Variants in FAM178B observed in about 807,000 individuals in gnomAD.
FAM178B encodes the protein protein FAM178B.
In FAM178B, 82 loss-of-function variants were observed where a neutral mutation model predicts 91.7. The ratio of observed to expected loss-of-function variants is 0.89; its 90% CI spans 0.75 to 1.07. The LOEUF is 1.07. Ranked by LOEUF, FAM178B falls within the 50% of genes least tolerant of loss-of-function variation. The pLI is 0.00. For missense variants in FAM178B, 769 were observed against 846.7 expected, an observed-to-expected ratio of 0.91 and a Z score of 1.14; for synonymous variants, 368 against 359.4, an observed-to-expected ratio of 1.02 and a Z score of -0.27.
intron 1 of FAM178B, among the ~76,000 whole-genome samples, chr2:96,975,602 C>T (rs971149440): frequency 2.6e-5 from 4 of 152,154 alleles, no homozygotes; most frequent in African/African-American, 9.7e-5. Context: ...TTGAAATATA[C>T]AATAAATTAT....
chr2:96,897,754 A>G (rs1216376440), intron 13 of FAM178B, among the ~76,000 whole-genome samples: 1 of 152,112 alleles, frequency 6.6e-6, no homozygotes, highest in African/African-American at 2.4e-5. Context: ...ACTCCCAGTA[A>G]TCTCTTCTCA....
In FAM178B at chr2:96,977,629, T is replaced by C. The variant is rs574349188; in HGVS notation, c.74-5023A>G. On this transcript the variant is annotated intron_variant, in intron 1 of 16. Transcript: ENST00000490605. ...GTCCATAGGGATGGTAAGAATAAAA[T>C]AGGAGAAGCAGCAGAAACTGCTGAT... Among the ~76,000 whole-genome samples, 24 of 151,864 alleles carry C rather than the reference T, an allele frequency of 1.6e-4. No homozygotes were observed. The South Asian group carries it at 2.7e-3, about 17-fold the overall frequency.
chr2:96,899,371 T>G (rs2080883457), intron 13 of FAM178B, among the ~76,000 whole-genome samples: 1 of 152,170 alleles, frequency 6.6e-6, no homozygotes, highest in South Asian at 2.1e-4. Context: ...CCAGTGCCAG[T>G]ACCTGGCACA....
intron 1 of FAM178B, among the ~76,000 whole-genome samples, chr2:96,982,063 T>A (rs1006205797): frequency 6.6e-6 from 1 of 151,854 alleles, no homozygotes; most frequent in African/African-American, 2.4e-5. Flanking sequence ...TAAGACCCTG[T>A]CTCAAAAAAA....
intron 6 of FAM178B, among the ~76,000 whole-genome samples, chr2:96,959,563 C>G (rs932573270): frequency 7.9e-5 from 12 of 152,214 alleles, no homozygotes; most frequent in African/African-American, 2.4e-4. Context: ...GTGTTCCTCA[C>G]CAGGTGGGCA....
At chr2:96,963,248 T>A (rs537841651) in intron 5 of FAM178B, among the ~76,000 whole-genome samples, 1 of 152,354 alleles carries the variant, frequency 6.6e-6, no homozygotes, top group South Asian at 2.1e-4. Flanking sequence ...GCAGAGATTT[T>A]TAAAAAGGTT....
chr2:96,936,262 CAT>C (rs1457504307), intron 8 of FAM178B, among the ~76,000 whole-genome samples: 1 of 152,146 alleles, frequency 6.6e-6, no homozygotes, highest in Non-Finnish European at 1.5e-5. Flanking sequence ...GGTGCAGTGG[CAT>C]GATCTCTGCT....
chr2:96,958,965 C>T (rs1465932128), intron 6 of FAM178B, among the ~76,000 whole-genome samples: 2 of 151,656 alleles, frequency 1.3e-5, no homozygotes, highest in African/African-American at 4.8e-5. Context: ...CTTTGGGAGG[C>T]CGAGGTGGGC....
intron 5 of FAM178B, among the ~76,000 whole-genome samples, chr2:96,966,335 A>C (rs2153375352): frequency 6.6e-6 from 1 of 151,832 alleles, no homozygotes; most frequent in Non-Finnish European, 1.5e-5. Context: ...ACCCTTCATC[A>C]TCAGAGCCTT....
chr2:96,900,825 TG>T (rs2080913103), intron 13 of FAM178B, among the ~76,000 whole-genome samples: 1 of 152,306 alleles, frequency 6.6e-6, no homozygotes, highest in African/African-American at 2.4e-5. Context: ...TCACAGCACC[TG>T]GGACTCAGAC....
intron 14 of FAM178B, among the ~76,000 whole-genome samples, chr2:96,879,126 G>T (rs1369205374): frequency 6.6e-6 from 1 of 152,220 alleles, no homozygotes; most frequent in Non-Finnish European, 1.5e-5. Flanking sequence ...ATACGTGCTT[G>T]CTGTTTAGAG....
At chr2:96,926,397 G>C (rs1383658703) in intron 9 of FAM178B, among the ~76,000 whole-genome samples, 1 of 152,238 alleles carries the variant, frequency 6.6e-6, no homozygotes, top group African/African-American at 2.4e-5. Flanking sequence ...CTGCGCATCA[G>C]AGCAGGGCTC....
chr2:96,918,078 A>T (rs1432645256), intron 12 of FAM178B, among the ~76,000 whole-genome samples: 1 of 152,046 alleles, frequency 6.6e-6, no homozygotes, highest in Non-Finnish European at 1.5e-5. Flanking sequence ...TGGAAAGATT[A>T]CATTACACAA....
At chr2:96,968,095 T>G (rs1177949158) in intron 4 of FAM178B, among the ~76,000 whole-genome samples, 10 of 151,806 alleles carry the variant, frequency 6.6e-5, no homozygotes, top group South Asian at 6.2e-4. Context: ...TTCTTTTTTT[T>G]TAAACACACC....
intron 1 of FAM178B, among the ~76,000 whole-genome samples, chr2:96,976,319 T>C (rs1323130425): frequency 3.3e-5 from 5 of 150,284 alleles, no homozygotes; most frequent in Non-Finnish European, 5.9e-5. Context: ...GGTCTCAACC[T>C]CCTGACCTCA....
intron 4 of FAM178B, among the ~76,000 whole-genome samples, chr2:96,967,911 C>CTTTTTTTT (rs60965536): frequency 0.016 from 1,020 of 62,406 alleles, 163 homozygotes; most frequent in African/African-American, 0.056. Flanking sequence ...CCTGTTTGGT[C>CTTTTTTTT]TTTTTTTTTT....
At chr2:96,903,212 T>C (rs1327824811) in intron 12 of FAM178B, among the ~76,000 whole-genome samples, 1 of 152,188 alleles carries the variant, frequency 6.6e-6, no homozygotes, top group Non-Finnish European at 1.5e-5. Context: ...GCTGATTTTT[T>C]GTATTTTTAG....
chr2:96,886,275 GCCATT>G (rs1374930961), intron 14 of FAM178B, among the ~76,000 whole-genome samples: 1 of 152,226 alleles, frequency 6.6e-6, no homozygotes, highest in African/African-American at 2.4e-5. Context: ...TCCCAGGCTG[GCCATT>G]CACTGTATGC....
intron 12 of FAM178B, among the ~76,000 whole-genome samples, chr2:96,911,926 G>C (rs1312369041): frequency 1.3e-5 from 2 of 152,156 alleles, no homozygotes; most frequent in East Asian, 1.9e-4. Flanking sequence ...ACACAGATAG[G>C]TGCTCAGCAG....
Sources: allele counts gnomAD v4.1 joint callset (sites outside exome capture counted in the v4.1 genomes callset), GRCh38; gene constraint gnomAD v4.1.1; transcripts MANE v1.5; gene names NCBI Gene and HGNC (gene_info 2026-07-23, HGNC 2026-07-21).